Variants in CNOT9 observed in about 807,000 individuals in gnomAD.
The protein encoded by CNOT9 is RCD1 required for cell differentiation1 homolog.
Under a neutral mutation model 37.4 loss-of-function variants are expected in CNOT9, and 8 were observed. The observed-to-expected ratio is 0.21, with a 90% confidence interval of 0.13 to 0.39. The LOEUF is 0.39. Ranked by LOEUF, CNOT9 falls within the 10% of genes least tolerant of loss-of-function variation. The pLI is 1.00. For synonymous variants in CNOT9, 120 were observed against 137.6 expected (o/e 0.87, Z 0.90); for missense variants, 154 against 365.3 (o/e 0.42, Z 4.71).
At chr2:218,578,319 A>G (rs1015697869) in intron 1 of CNOT9, among the ~76,000 whole-genome samples, 1 of 152,254 alleles carries the variant, frequency 6.6e-6, no homozygotes, top group Non-Finnish European at 1.5e-5. Flanking sequence ...TAGTAAAAAT[A>G]AAGCTAAAAA....
At position 218,594,586 on chromosome 2, in the gene CNOT9, C is replaced by A; in HGVS notation, c.*310C>A. On this transcript the variant is annotated 3_prime_UTR_variant, in exon 8 of 8. Coordinates refer to ENST00000273064, the MANE Select transcript of CNOT9 (RefSeq NM_005444.3). ...AGCATGTCCAAGATGACCCTTCTCC[C>A]CTACCTCTACCTAGCCACTGGCAGG... 3.1e-6 allele frequency: 1 copy of A among 322,276 alleles called. No homozygotes were observed. Among genetic ancestry groups the A allele is most frequent in the East Asian group, 6.2e-5 (1 of 16,084 alleles). The allele number at this position is 322,276 out of a possible 1,614,324, so 20.0% of individuals were successfully genotyped here. A position where few individuals can be genotyped will look rare whatever the true frequency, so the allele number is the denominator to read the frequency against.
At chr2:218,577,339 C>G (rs1432428855) in intron 1 of CNOT9, among the ~76,000 whole-genome samples, 1 of 152,058 alleles carries the variant, frequency 6.6e-6, no homozygotes, top group Admixed American at 6.6e-5. Flanking sequence ...GGATCCCCAC[C>G]CTAGATATTT....
intron 1 of CNOT9, among the ~76,000 whole-genome samples, chr2:218,575,698 G>A (rs1209427579): frequency 2.0e-5 from 3 of 151,806 alleles, no homozygotes; most frequent in African/African-American, 4.8e-5. Context: ...CCACCGTGCC[G>A]GACTTCATTT....
At chr2:218,585,114 G>T (rs754355864) in intron 4 of CNOT9, among the ~76,000 whole-genome samples, 1 of 151,748 alleles carries the variant, frequency 6.6e-6, no homozygotes, top group Non-Finnish European at 1.5e-5. Flanking sequence ...TTCTGATAGG[G>T]TCTTGCTGTG....
At position 218,592,753 on chromosome 2, in the gene CNOT9, G is replaced by A; in HGVS notation, c.731+46G>A. On this transcript the variant is annotated intron_variant, in intron 7 of 7. Transcript: ENST00000273064. The surrounding 1 kb of genome is among the most constrained non-coding windows in gnomAD (Gnocchi z 4.1). Reference sequence around the variant, plus strand: ...TAGGACTTTAGGGAAATACTCTGCTGAACAGTTTCCTAATCTCATGGCATA... The same window carrying A: ...TAGGACTTTAGGGAAATACTCTGCTAAACAGTTTCCTAATCTCATGGCATA... 1 of 1,480,472 alleles carries A rather than the reference G, an allele frequency of 6.8e-7. No homozygotes were observed. Among genetic ancestry groups the A allele is most frequent in the East Asian group, 2.3e-5 (1 of 44,250 alleles). 91.7% of individuals were successfully genotyped at this position (1,480,472 alleles called of 1,614,324 possible). A position where few individuals can be genotyped will look rare whatever the true frequency, so the allele number is the denominator to read the frequency against.
At chr2:218,572,996 C>A (rs1349994515) in intron 1 of CNOT9, among the ~76,000 whole-genome samples, 3 of 152,140 alleles carry the variant, frequency 2.0e-5, no homozygotes, top group Non-Finnish European at 4.4e-5. Flanking sequence ...TTTCCTTATT[C>A]ACTTTCATTT....
intron 4 of CNOT9, among the ~76,000 whole-genome samples, chr2:218,585,574 C>A (rs202192859): frequency 6.4e-4 from 90 of 141,094 alleles, no homozygotes; most frequent in Non-Finnish European, 7.7e-4. Flanking sequence ...GAGGGAGACT[C>A]AAAAAAAAAA....
intron 5 of CNOT9, among the ~76,000 whole-genome samples, chr2:218,591,608 T>G (rs1275649569): frequency 1.3e-5 from 2 of 151,976 alleles, no homozygotes; most frequent in Non-Finnish European, 2.9e-5. Context: ...CCAGGCATGG[T>G]GGCAGGAGCC....
rs1416434402 is a variant in CNOT9, at chr2:218,568,991, G to A, written c.24+13G>A. On this transcript the variant is annotated intron_variant, in intron 1 of 7. Coordinates refer to ENST00000273064, the MANE Select transcript of CNOT9 (RefSeq NM_005444.3). Reference sequence around the variant, plus strand: ...GGCGACGGCTGCGGTGAGTGGCTGGGCCCCCAGGCTTGGAACCAGAATCCT... The same window carrying A: ...GGCGACGGCTGCGGTGAGTGGCTGGACCCCCAGGCTTGGAACCAGAATCCT... 6.8e-6 allele frequency: 11 copies of A among 1,611,286 alleles called. No individual in the cohort carries two copies. Among genetic ancestry groups the A allele is most frequent in the African/African-American group, 1.3e-5 (1 of 74,908 alleles).
At chr2:218,588,007 A>G (rs1024673957) in intron 5 of CNOT9, among the ~76,000 whole-genome samples, 1 of 152,200 alleles carries the variant, frequency 6.6e-6, no homozygotes, top group Admixed American at 6.5e-5. Context: ...TTTAAAATAC[A>G]TAATCAATTA....
chr2:218,583,229 GTGTGTCTCTCTCTC>G (rs1203060321), intron 3 of CNOT9, 143 bp downstream of exon 3: 2,151 of 89,462 alleles, frequency 0.024, 9 homozygotes, highest in Non-Finnish European at 0.031. Context: ...GTGTGTGTGT[GTGTGTCTCTCTCTC>G]TCTCTCTCTC....
At chr2:218,581,901 G>A (rs1318441732) in intron 2 of CNOT9, among the ~76,000 whole-genome samples, 6 of 151,896 alleles carry the variant, frequency 4.0e-5, no homozygotes, top group Non-Finnish European at 5.9e-5. Context: ...GGGCAACATG[G>A]CGAAACACCA....
intron 1 of CNOT9, among the ~76,000 whole-genome samples, chr2:218,579,293 A>G (rs1489640979): frequency 6.6e-6 from 1 of 152,094 alleles, no homozygotes; most frequent in African/African-American, 2.4e-5. Context: ...ATGTATATGT[A>G]TTTTTTATTT....
chr2:218,571,221 G>GTAAA (rs749783211), intron 1 of CNOT9, among the ~76,000 whole-genome samples: 6 of 152,168 alleles, frequency 3.9e-5, no homozygotes, highest in Admixed American at 6.5e-5. Context: ...AAAATAGTAG[G>GTAAA]TAAATCATCA....
chr2:218,578,507 G>C (rs2106083751), intron 1 of CNOT9, among the ~76,000 whole-genome samples: 1 of 152,138 alleles, frequency 6.6e-6, no homozygotes, highest in African/African-American at 2.4e-5. Context: ...AGATCTTTTG[G>C]GAACTTATAA....
At position 218,592,765 on chromosome 2, in the gene CNOT9, A is replaced by T; in HGVS notation, c.731+58A>T. The T allele has an allele frequency of 7.4e-7, 1 of 1,353,456 alleles. No individual in the cohort carries two copies. Among genetic ancestry groups the T allele is most frequent in the Non-Finnish European group, 1.1e-6 (1 of 943,312 alleles). 83.8% of individuals were successfully genotyped at this position (1,353,456 alleles called of 1,614,324 possible). A position where few individuals can be genotyped will look rare whatever the true frequency, so the allele number is the denominator to read the frequency against. ...GAAATACTCTGCTGAACAGTTTCCT[A>T]ATCTCATGGCATAGCTCCTGTGTCT... On this transcript the variant is annotated intron_variant, in intron 7 of 7. Coordinates refer to ENST00000273064, the MANE Select transcript of CNOT9 (RefSeq NM_005444.3). The surrounding 1 kb of genome is among the most constrained non-coding windows in gnomAD (Gnocchi z 4.1).
intron 1 of CNOT9, among the ~76,000 whole-genome samples, chr2:218,579,207 C>T (rs1694280487): frequency 6.6e-6 from 1 of 152,154 alleles, no homozygotes. Flanking sequence ...CCCTGTAAAT[C>T]CCCAACCTTA....
At chr2:218,580,175 G>A (rs1447711476) in intron 1 of CNOT9, among the ~76,000 whole-genome samples, 1 of 151,928 alleles carries the variant, frequency 6.6e-6, no homozygotes, top group African/African-American at 2.4e-5. Flanking sequence ...CGCCATGTTG[G>A]CCAGGCTGGT....
chr2:218,593,902 T>C, intron 7 of CNOT9: 1 of 1,015,186 alleles, frequency 9.9e-7, no homozygotes, highest in South Asian at 2.4e-5. Flanking sequence ...CATTGGGGCA[T>C]CATTCAGAAA....
Sources: allele counts gnomAD v4.1 joint callset (sites outside exome capture counted in the v4.1 genomes callset), GRCh38; gene constraint gnomAD v4.1.1; non-coding constraint Gnocchi (gnomAD v3.1); transcripts MANE v1.5; gene names NCBI Gene and HGNC (gene_info 2026-07-23, HGNC 2026-07-21).